Variants in FAM124A observed in about 807,000 individuals in gnomAD.
The protein encoded by FAM124A is protein FAM124A.
A neutral mutation model predicts 24.5 loss-of-function variants in FAM124A; 23 were observed. The ratio of observed to expected loss-of-function variants is 0.94; its 90% confidence interval spans 0.68 to 1.33. The LOEUF (loss-of-function observed/expected upper bound fraction) is 1.33. FAM124A is among the 40% of genes most tolerant of loss of function. FAM124A has a pLI of 0.00. For missense variants in FAM124A, 623 were observed against 722.8 expected (o/e 0.86, Z 1.58); for synonymous variants, 287 against 314.7 (o/e 0.91, Z 0.93).
intron 1 of FAM124A, among the ~76,000 whole-genome samples, chr13:51,225,624 C>A (rs1954307839): frequency 6.6e-6 from 1 of 152,046 alleles, no homozygotes; most frequent in African/African-American, 2.4e-5. Flanking sequence ...AAGGAGAGAT[C>A]AACTATGCTA....
At chr13:51,274,261 A>G (rs74087436) in intron 3 of FAM124A, among the ~76,000 whole-genome samples, 8,185 of 152,252 alleles carry the variant, frequency 0.054, 510 homozygotes, top group African/African-American at 0.15. Context: ...CAGGTTGACT[A>G]TCCCTTCTCT....
intron 2 of FAM124A, among the ~76,000 whole-genome samples, chr13:51,238,618 T>C (rs1954460563): frequency 6.6e-6 from 1 of 152,158 alleles, no homozygotes; most frequent in African/African-American, 2.4e-5. Context: ...GGTAGAGGTG[T>C]GTGTTTGGGG....
chr13:51,232,986 T>C (rs751955330), intron 2 of FAM124A, among the ~76,000 whole-genome samples: 1 of 152,236 alleles, frequency 6.6e-6, no homozygotes, highest in Non-Finnish European at 1.5e-5. Context: ...TACCCTGCTA[T>C]TGCTCTTCCT....
intron 2 of FAM124A, among the ~76,000 whole-genome samples, chr13:51,250,713 A>G (rs1026793392): frequency 2.0e-5 from 3 of 152,140 alleles, no homozygotes; most frequent in Non-Finnish European, 2.9e-5. Context: ...CTTCCACCCT[A>G]ACCTCAGCCC....
chr13:51,231,329 C>G lies in FAM124A; in HGVS notation c.69-19C>G, dbSNP rs1297688141. ...ATTTGGATAAAGAATTCTACTAACG[C>G]TGAGGTCTTGTGTTTCAGGTCCGAC... On this transcript the variant is annotated intron_variant, in intron 1 of 3. Transcript: ENST00000322475. 3.7e-6 allele frequency: 6 copies of G among 1,613,738 alleles called. No individual in the cohort carries two copies. The highest frequency in any genetic ancestry group is 1.7e-5 in the Admixed American group (1 of 59,958).
Position 51,225,360 on chromosome 13 carries a change from A to C in FAM124A, c.68+2791A>C, listed in dbSNP as rs577646852. 3 of 152,344 alleles carry C rather than the reference A, an allele frequency of 2.0e-5. No individual in the cohort carries two copies. The East Asian group carries it at 5.8e-4, about 29-fold the overall frequency. 9.4% of individuals were successfully genotyped at this position (152,344 alleles called of 1,614,324 possible). The stretch of plus-strand genomic sequence containing the variant: ...GGAGAGACTAAATCAACTGAAGGTA[A>C]TAGCAAGCACTTTCTTAGCATTTAG... On this transcript the variant is annotated intron_variant, in intron 1 of 3. Transcript: ENST00000322475.
rs1321580064 is a variant in FAM124A at position 51,251,567 on chromosome 13, A to G, written c.200A>G (p.Asn67Ser). 6.5e-7 allele frequency: 1 copy of G among 1,538,372 alleles called. No homozygotes were observed. Among genetic ancestry groups the G allele is most frequent in the Non-Finnish European group, 8.8e-7 (1 of 1,141,088 alleles). Residue 67 changes from asparagine to serine, a missense_variant, in exon 3 of 4, where the codon AAC becomes AGC. Transcript: ENST00000322475. This position sits in a 1 kb window ranked among gnomAD's most constrained non-coding sequence, Gnocchi z 5.3. ...CAGCCCCTGCAGGAGGCCATCGACAACGTCCTGGCGTGGATCCACCCCGAC... is the reference window on the plus strand; with the variant it reads ...CAGCCCCTGCAGGAGGCCATCGACAGCGTCCTGGCGTGGATCCACCCCGAC... ...ESQPLQEAID[N>S]VLAWIHPDLP...
At chr13:51,264,687 C>T (rs566285015) in intron 3 of FAM124A, among the ~76,000 whole-genome samples, 1 of 152,050 alleles carries the variant, frequency 6.6e-6, no homozygotes, top group Admixed American at 6.5e-5. Context: ...CAGTGGCTTC[C>T]ATTTATTTAT....
At chr13:51,227,873 C>T (rs941561480) in intron 1 of FAM124A, among the ~76,000 whole-genome samples, 3 of 152,042 alleles carry the variant, frequency 2.0e-5, no homozygotes, top group Non-Finnish European at 4.4e-5. Flanking sequence ...TGACTTAAGA[C>T]ATAACAAAAA....
chr13:51,261,223 A>G (rs1219655617), intron 3 of FAM124A, among the ~76,000 whole-genome samples: 1 of 152,128 alleles, frequency 6.6e-6, no homozygotes, highest in East Asian at 1.9e-4. Context: ...GGAGATCCAC[A>G]TGTGGGGGAA....
chr13:51,275,057 TGCAGTAGCAAAAAGTTTTTAAAA>T (rs1034933870), intron 3 of FAM124A, among the ~76,000 whole-genome samples: 19 of 152,294 alleles, frequency 1.2e-4, no homozygotes, highest in African/African-American at 4.6e-4. Flanking sequence ...GGCTACTGGA[TGCAGTAGCAAAAAGTTTTTAAAA>T]TAGAGCAAGG....
At chr13:51,252,582 A>G (rs1386336190) in intron 3 of FAM124A, 1 of 227,686 alleles carries the variant, frequency 4.4e-6, no homozygotes, top group Non-Finnish European at 8.6e-6. Context: ...AGTTTTTACC[A>G]CTGGATTCTT....
At chr13:51,276,393 A>G (rs1954886249) in intron 3 of FAM124A, among the ~76,000 whole-genome samples, 1 of 152,242 alleles carries the variant, frequency 6.6e-6, no homozygotes, top group Non-Finnish European at 1.5e-5. Flanking sequence ...AAAGCCTTAC[A>G]CTTCCATAAT....
intron 2 of FAM124A, among the ~76,000 whole-genome samples, chr13:51,238,782 G>T (rs1263146925): frequency 6.6e-6 from 1 of 152,182 alleles, no homozygotes; most frequent in African/African-American, 2.4e-5. Flanking sequence ...TCCTCTGAAT[G>T]GGGGCCTGAA....
intron 1 of FAM124A, chr13:51,225,111 T>C (rs1204481095): frequency 6.6e-6 from 1 of 152,192 alleles, no homozygotes; most frequent in Admixed American, 6.5e-5. Context: ...GAACTTTTTT[T>C]TTTTATCAGA....
At chr13:51,238,256 G>A (rs932595317) in intron 2 of FAM124A, among the ~76,000 whole-genome samples, 1 of 152,172 alleles carries the variant, frequency 6.6e-6, no homozygotes, top group African/African-American at 2.4e-5. Context: ...GCTGCTCAGA[G>A]TGTGGTCCAG....
chr13:51,255,797 CAG>C (rs1954669492), intron 3 of FAM124A, among the ~76,000 whole-genome samples: 1 of 152,232 alleles, frequency 6.6e-6, no homozygotes, highest in African/African-American at 2.4e-5. Flanking sequence ...GCTGGGCAAA[CAG>C]AATAGCCCCC....
rs1954937022 is a variant in FAM124A, at chr13:51,281,271, T to C, written c.*15T>C. On this transcript the variant is annotated 3_prime_UTR_variant, in exon 4 of 4. Coordinates refer to ENST00000322475, the MANE Select transcript of FAM124A (RefSeq NM_001242312.2). Reference sequence around the variant, plus strand: ...TCTACATCTGAATGCCCTCTGCTCTTGTTCTCGAAACACACAAACTCAGAG... The same window carrying C: ...TCTACATCTGAATGCCCTCTGCTCTCGTTCTCGAAACACACAAACTCAGAG... 1.3e-6 allele frequency: 2 copies of C among 1,535,050 alleles called. No homozygotes were observed. Among genetic ancestry groups the C allele is most frequent in the Non-Finnish European group, 1.7e-6 (2 of 1,146,024 alleles).
At chr13:51,247,030 G>A (rs1373440852) in intron 2 of FAM124A, among the ~76,000 whole-genome samples, 1 of 152,256 alleles carries the variant, frequency 6.6e-6, no homozygotes, top group African/African-American at 2.4e-5. Flanking sequence ...GAAGACCTGG[G>A]CATGTGCCAA....
Sources: allele counts gnomAD v4.1 joint callset (sites outside exome capture counted in the v4.1 genomes callset), GRCh38; gene constraint gnomAD v4.1.1; non-coding constraint Gnocchi (gnomAD v3.1); transcripts MANE v1.5; gene names NCBI Gene and HGNC (gene_info 2026-07-23, HGNC 2026-07-21).